The following HEMK2 variants were observed in gnomAD, a reference collection of about 807,000 sequenced individuals.
The protein encoded by HEMK2 is methyltransferase HEMK2.
chr21:28,822,146 A>ATTGT, the HEMK2 span, among the ~76,000 whole-genome samples: 11,716 of 152,258 alleles, frequency 0.077, 488 homozygotes, highest in Middle Eastern at 0.11. Context: ...GTTTAGCCAC[A>ATTGT]CTCTGAAAAG....
At chr21:28,746,056 C>T in the HEMK2 span, among the ~76,000 whole-genome samples, 2 of 152,146 alleles carry the variant, frequency 1.3e-5, no homozygotes, top group Non-Finnish European at 2.9e-5. Context: ...TTATTGGATA[C>T]TCTATCAAAT....
the HEMK2 span, chr21:28,875,432 A>G: frequency 6.6e-6 from 1 of 152,234 alleles, no homozygotes; most frequent in African/African-American, 2.4e-5. Flanking sequence ...ATCCTAAACC[A>G]AGATTCACCT....
chr21:28,594,415 TA>T, the HEMK2 span, among the ~76,000 whole-genome samples: 6 of 152,210 alleles, frequency 3.9e-5, no homozygotes, highest in African/African-American at 1.4e-4. Flanking sequence ...AGATTAACAA[TA>T]AGGGAAACTG....
At chr21:28,885,332 T>C in the HEMK2 span, 53 of 1,580,256 alleles carry the variant, frequency 3.4e-5, no homozygotes, top group South Asian at 5.5e-4. Context: ...CGTAGCGAAG[T>C]TCTCCCCTGC....
chr21:28,757,625 T>C, the HEMK2 span, among the ~76,000 whole-genome samples: 2 of 152,212 alleles, frequency 1.3e-5, no homozygotes, highest in Non-Finnish European at 1.5e-5. Flanking sequence ...AGATGAGAAG[T>C]TGCAGGGTAG....
chr21:28,575,947 T>C, the HEMK2 span, among the ~76,000 whole-genome samples: 1 of 152,236 alleles, frequency 6.6e-6, no homozygotes, highest in East Asian at 1.9e-4. Flanking sequence ...CATTGAGTGG[T>C]ACCCTTTGTA....
chr21:28,644,828 G>A, the HEMK2 span, among the ~76,000 whole-genome samples: 1 of 152,080 alleles, frequency 6.6e-6, no homozygotes, highest in African/African-American at 2.4e-5. Flanking sequence ...CTAATTTTTT[G>A]TTTCTCAGAA....
the HEMK2 span, chr21:28,882,372 A>G: frequency 3.0e-6 from 2 of 661,120 alleles, no homozygotes; most frequent in Non-Finnish European, 5.1e-6. Context: ...AAAAATTAGA[A>G]CGTATTCAAT....
At chr21:28,754,549 C>T in the HEMK2 span, among the ~76,000 whole-genome samples, 3 of 152,274 alleles carry the variant, frequency 2.0e-5, no homozygotes, top group African/African-American at 7.2e-5. Context: ...CTTTAGGAAG[C>T]GGAAATTCTG....
At chr21:28,801,202 C>T in the HEMK2 span, among the ~76,000 whole-genome samples, 1 of 152,156 alleles carries the variant, frequency 6.6e-6, no homozygotes, top group Non-Finnish European at 1.5e-5. Flanking sequence ...AGGGATTTAG[C>T]GTATGACAAA....
the HEMK2 span, among the ~76,000 whole-genome samples, chr21:28,801,151 C>G: frequency 6.6e-6 from 1 of 152,224 alleles, no homozygotes; most frequent in African/African-American, 2.4e-5. Context: ...GAGGTATCCT[C>G]TAAACATTTA....
the HEMK2 span, among the ~76,000 whole-genome samples, chr21:28,833,678 C>T: frequency 6.6e-6 from 1 of 152,140 alleles, no homozygotes; most frequent in African/African-American, 2.4e-5. Flanking sequence ...GCCACATATG[C>T]CCACGTTTAG....
the HEMK2 span, among the ~76,000 whole-genome samples, chr21:28,740,786 C>T: frequency 6.6e-6 from 1 of 152,176 alleles, no homozygotes; most frequent in African/African-American, 2.4e-5. Context: ...CAGATCAATG[C>T]CTCTTAAGGG....
chr21:28,659,486 A>G, the HEMK2 span, among the ~76,000 whole-genome samples: 6 of 152,066 alleles, frequency 3.9e-5, no homozygotes, highest in African/African-American at 1.4e-4. Context: ...TGCCAAAAGA[A>G]GTGAAGAAGC....
chr21:28,885,172 C>A, the HEMK2 span: 2 of 1,513,022 alleles, frequency 1.3e-6, no homozygotes, highest in Non-Finnish European at 1.8e-6. Context: ...CTTCAGAAAG[C>A]CGCAACCCTT....
At chr21:28,845,829 G>A in the HEMK2 span, among the ~76,000 whole-genome samples, 4 of 151,930 alleles carry the variant, frequency 2.6e-5, no homozygotes, top group African/African-American at 9.7e-5. Context: ...AGGGGTACGT[G>A]TGCAGATTTG....
At chr21:28,607,327 C>T in the HEMK2 span, among the ~76,000 whole-genome samples, 3 of 151,972 alleles carry the variant, frequency 2.0e-5, no homozygotes, top group East Asian at 1.9e-4. Context: ...AAGAGACTTG[C>T]GTGAACCTGA....
chr21:28,637,185 A>G, the HEMK2 span, among the ~76,000 whole-genome samples: 1 of 152,192 alleles, frequency 6.6e-6, no homozygotes, highest in Admixed American at 6.5e-5. Flanking sequence ...GCCTTGCCAC[A>G]ATTTTGTGGG....
chr21:28,809,107 T>C, the HEMK2 span, among the ~76,000 whole-genome samples: 1 of 152,164 alleles, frequency 6.6e-6, no homozygotes, highest in African/African-American at 2.4e-5. Context: ...TTCATCATAA[T>C]TTCAAATAAT....
Sources: allele counts gnomAD v4.1 joint callset (sites outside exome capture counted in the v4.1 genomes callset), GRCh38; gene constraint gnomAD v4.1.1; transcripts MANE v1.5; gene names NCBI Gene and HGNC (gene_info 2026-07-23, HGNC 2026-07-21).